The following EVA1A variants were observed in gnomAD, a reference collection of about 807,000 sequenced individuals.
EVA1A encodes protein eva-1 homolog A.
A neutral mutation model predicts 9.8 loss-of-function variants in EVA1A; 7 were observed. That is an observed-to-expected ratio of 0.71 (90% CI 0.41 to 1.34). EVA1A has a LOEUF of 1.34. Among genes scored for constraint, EVA1A ranks in the 40% most tolerant of loss-of-function variants. The pLI, the probability that EVA1A is intolerant of heterozygous loss-of-function variation, is 0.01. For missense variants in EVA1A, 206 were observed against 205.9 expected (o/e 1.00, Z 0.00); for synonymous variants, 90 against 85.6 (o/e 1.05, Z -0.28).
At chr2:75,536,286 G>A (rs1384942121) in intron 1 of EVA1A, among the ~76,000 whole-genome samples, 2 of 152,100 alleles carry the variant, frequency 1.3e-5, no homozygotes, top group Admixed American at 6.5e-5. Context: ...AATGAGCTGA[G>A]AGCACGCCAC....
chr2:75,520,828 A>C (rs1385965294), intron 2 of EVA1A, among the ~76,000 whole-genome samples: 3 of 151,880 alleles, frequency 2.0e-5, no homozygotes, highest in African/African-American at 7.2e-5. Context: ...CAGGCAACAA[A>C]AGTAAAAAAA....
rs142755955 is a variant in EVA1A, at chr2:75,499,330, G to T, written c.86-5721C>A. Among the ~76,000 whole-genome samples, 10 of 152,244 alleles carry T rather than the reference G, an allele frequency of 6.6e-5. No individual in the cohort carries two copies. The South Asian group carries it at 1.0e-3, about 16-fold the overall frequency. On this transcript the variant is annotated intron_variant, in intron 3 of 3. Transcript: ENST00000393913. ...AACATAATTGGAATTGAGCACAACC[G>T]AGTGAAATAATGGAAGTGGGCATGA...
intron 3 of EVA1A, among the ~76,000 whole-genome samples, chr2:75,503,034 G>A (rs1421512762): frequency 1.3e-5 from 2 of 152,224 alleles, no homozygotes; most frequent in South Asian, 2.1e-4. Flanking sequence ...AGTCCACCTT[G>A]TCCTGCCTCC....
chr2:75,536,413 G>T (rs970526798), intron 1 of EVA1A, among the ~76,000 whole-genome samples: 1 of 151,948 alleles, frequency 6.6e-6, no homozygotes, highest in Admixed American at 6.6e-5. Flanking sequence ...TAAAGAAAAA[G>T]GATAAAATTT....
intron 1 of EVA1A, among the ~76,000 whole-genome samples, chr2:75,560,062 C>A (rs1001985203): frequency 3.3e-5 from 5 of 152,154 alleles, no homozygotes; most frequent in Non-Finnish European, 7.3e-5. Context: ...GGGTGGGGAC[C>A]CCCACGCAGA....
At chr2:75,561,926 G>GT (rs1386565319), upstream of EVA1A, among the ~76,000 whole-genome samples, 1 of 152,004 alleles carries the variant, frequency 6.6e-6, no homozygotes, top group Non-Finnish European at 1.5e-5. Flanking sequence ...AAGGAGAGAG[G>GT]TGACTCCCAG....
intron 1 of EVA1A, among the ~76,000 whole-genome samples, chr2:75,524,956 G>A (rs1675370257): frequency 6.6e-6 from 1 of 152,046 alleles, no homozygotes; most frequent in Non-Finnish European, 1.5e-5. Context: ...TATGTATATA[G>A]AGTGATTACA....
At chr2:75,522,998 C>G (rs1202738379) in intron 1 of EVA1A, among the ~76,000 whole-genome samples, 1 of 152,198 alleles carries the variant, frequency 6.6e-6, no homozygotes, top group African/African-American at 2.4e-5. Context: ...GTGTCAAGGC[C>G]TCTGCTAGGC....
upstream of EVA1A, among the ~76,000 whole-genome samples, chr2:75,565,298 A>G (rs1402291897): frequency 6.6e-6 from 1 of 152,188 alleles, no homozygotes; most frequent in Non-Finnish European, 1.5e-5. Context: ...AAACCTTTCC[A>G]GATAATTACA....
intron 3 of EVA1A, among the ~76,000 whole-genome samples, chr2:75,511,792 G>A (rs560232143): frequency 8.3e-4 from 127 of 152,200 alleles, no homozygotes; most frequent in Non-Finnish European, 1.3e-3. Context: ...TTCTACATGC[G>A]CAGGATATAG....
At chr2:75,536,910 T>C (rs929553743) in intron 1 of EVA1A, among the ~76,000 whole-genome samples, 3 of 152,150 alleles carry the variant, frequency 2.0e-5, no homozygotes, top group Non-Finnish European at 4.4e-5. Flanking sequence ...TTCTACACCA[T>C]CTCTTCCAGA....
chr2:75,565,412 G>C (rs1335293325), upstream of EVA1A, among the ~76,000 whole-genome samples: 1 of 152,140 alleles, frequency 6.6e-6, no homozygotes, highest in Non-Finnish European at 1.5e-5. Flanking sequence ...ACGTCACCAG[G>C]AAAAGGAGAA....
chr2:75,539,980 A>T (rs777913740), intron 1 of EVA1A, among the ~76,000 whole-genome samples: 2 of 152,190 alleles, frequency 1.3e-5, no homozygotes, highest in Non-Finnish European at 2.9e-5. Flanking sequence ...CATGGAGGAG[A>T]TGCAGACATT....
At chr2:75,561,110 A>G (rs958874941), upstream of EVA1A, 1 of 152,180 alleles carries the variant, frequency 6.6e-6, no homozygotes, top group African/African-American at 2.4e-5. Context: ...CTCCGCGCCA[A>G]GTTAGTTCAC....
At chr2:75,494,181 A>G (rs1007878544) in intron 3 of EVA1A, among the ~76,000 whole-genome samples, 1 of 152,204 alleles carries the variant, frequency 6.6e-6, no homozygotes, top group Admixed American at 6.5e-5. Context: ...ACACCTATAC[A>G]TGGATTTTGT....
chr2:75,519,404 G>T (rs1572961581), intron 2 of EVA1A, among the ~76,000 whole-genome samples: 1 of 152,150 alleles, frequency 6.6e-6, no homozygotes, highest in African/African-American at 2.4e-5. Flanking sequence ...AATAGAATGG[G>T]CTATAACAGA....
At chr2:75,566,030 G>C (rs983708103) in intron 1 of EVA1A, among the ~76,000 whole-genome samples, 1 of 151,632 alleles carries the variant, frequency 6.6e-6, no homozygotes, top group Admixed American at 6.6e-5. Flanking sequence ...TCTCACCTTT[G>C]GTATTACATT....
chr2:75,493,118 G>C lies in EVA1A; in HGVS notation c.*118C>G. ...CCTGGCTAGAAAAGGGGCATGTCCT[G>C]CTTTTTCTCTGAAATCACAATATTA... On this transcript the variant is annotated 3_prime_UTR_variant, in exon 4 of 4. Transcript: ENST00000393913. 1 of 1,418,274 alleles carries C rather than the reference G, an allele frequency of 7.1e-7. No homozygotes were observed. Among genetic ancestry groups the C allele is most frequent in the Non-Finnish European group, 9.5e-7 (1 of 1,052,682 alleles). The allele number at this position is 1,418,274 out of a possible 1,614,324, so 87.9% of individuals were successfully genotyped here.
At chr2:75,511,772 C>T (rs1292060103) in intron 3 of EVA1A, among the ~76,000 whole-genome samples, 2 of 152,046 alleles carry the variant, frequency 1.3e-5, no homozygotes, top group South Asian at 2.1e-4. Context: ...CTGATGGGTG[C>T]CAGGCACTAT....
Sources: allele counts gnomAD v4.1 joint callset (sites outside exome capture counted in the v4.1 genomes callset), GRCh38; gene constraint gnomAD v4.1.1; transcripts MANE v1.5; gene names NCBI Gene and HGNC (gene_info 2026-07-23, HGNC 2026-07-21).